Variants in FDFT1 observed in about 807,000 individuals in gnomAD.
The protein encoded by FDFT1 is squalene synthase.
In FDFT1, 68 loss-of-function variants were observed where a neutral mutation model predicts 46.8. The ratio of observed to expected loss-of-function variants is 1.45; its 90% CI spans 1.19 to 1.78. The LOEUF is 1.78. Among genes scored for constraint, FDFT1 ranks in the 40% most tolerant of loss-of-function variants. The pLI, the probability that FDFT1 is intolerant of heterozygous loss-of-function variation, is 0.00. For synonymous variants in FDFT1, 351 were observed against 185.1 expected (o/e 1.90, Z -7.28); for missense variants, 928 against 524.4 (o/e 1.77, Z -7.52).
chr8:11,801,831 C>T (rs923248842), upstream of FDFT1: 12 of 390,582 alleles, frequency 3.1e-5, no homozygotes, highest in African/African-American at 6.3e-5. Context: ...GTAGTTGGGA[C>T]TACAGGCGCC....
chr8:11,803,316 A>G (rs1047820752), intron 1 of FDFT1: 14 of 1,299,284 alleles, frequency 1.1e-5, no homozygotes, highest in Admixed American at 9.1e-5. Flanking sequence ...GGAATGAACT[A>G]TGCAGATAAC....
At chr8:11,829,056 A>G (rs1585983297) in intron 5 of FDFT1, among the ~76,000 whole-genome samples, 1 of 152,142 alleles carries the variant, frequency 6.6e-6, no homozygotes, top group African/African-American at 2.4e-5. Flanking sequence ...AGCAGCTCGA[A>G]CCTTGTGAGG....
chr8:11,818,969 A>T, intron 3 of FDFT1, among the ~76,000 whole-genome samples: 1 of 152,176 alleles, frequency 6.6e-6, no homozygotes. Context: ...ACAATTTGGC[A>T]TGTTTTTGCA....
chr8:11,818,943 A>C (rs1313186114), intron 3 of FDFT1, among the ~76,000 whole-genome samples: 2 of 152,158 alleles, frequency 1.3e-5, no homozygotes, highest in Non-Finnish European at 2.9e-5. Flanking sequence ...GTTTCTTCCT[A>C]GCCTCGATGG....
At chr8:11,828,037 A>C (rs1810246721) in intron 5 of FDFT1, among the ~76,000 whole-genome samples, 1 of 152,156 alleles carries the variant, frequency 6.6e-6, no homozygotes. Flanking sequence ...CTCCGTCTCT[A>C]CTAAAATTAC....
chr8:11,810,415 G>A (rs1807547168), intron 3 of FDFT1, among the ~76,000 whole-genome samples: 1 of 152,130 alleles, frequency 6.6e-6, no homozygotes, highest in Non-Finnish European at 1.5e-5. Context: ...GGCAGCTAGG[G>A]CGAGCCTCTG....
upstream of FDFT1, chr8:11,802,008 G>C (rs1484042326): frequency 1.5e-5 from 7 of 452,126 alleles, no homozygotes; most frequent in Non-Finnish European, 3.1e-5. Flanking sequence ...GTAGTTTCTA[G>C]GGCTGGAGAG....
intron 1 of FDFT1, among the ~76,000 whole-genome samples, chr8:11,804,224 G>A (rs949112297): frequency 1.3e-5 from 2 of 152,176 alleles, no homozygotes; most frequent in Non-Finnish European, 2.9e-5. Flanking sequence ...ATACTAGCAG[G>A]GCAAGGGATC....
chr8:11,814,595 A>G (rs755698503), intron 3 of FDFT1, among the ~76,000 whole-genome samples: 1 of 152,198 alleles, frequency 6.6e-6, no homozygotes, highest in Admixed American at 6.5e-5. Flanking sequence ...TTGCTAACCT[A>G]TAAACAATTC....
chr8:11,809,471 C>G, intron 2 of FDFT1, 196 bp from the exon 3 acceptor site: 12 of 1,312,632 alleles, frequency 9.1e-6, no homozygotes, highest in Non-Finnish European at 1.2e-5. Flanking sequence ...TAATAAACTA[C>G]AGAAGTTCAT....
chr8:11,824,995 A>T (rs567697015), intron 4 of FDFT1, among the ~76,000 whole-genome samples: 1 of 152,208 alleles, frequency 6.6e-6, no homozygotes, highest in South Asian at 2.1e-4. Flanking sequence ...TCAGCTTCCC[A>T]AAGTGCTGGG....
chr8:11,797,800 A>G (rs937995053), upstream of FDFT1: 2 of 152,286 alleles, frequency 1.3e-5, no homozygotes, highest in East Asian at 1.9e-4. Flanking sequence ...CAGGAAGCCT[A>G]TTCCAGGCAG....
intron 1 of FDFT1, among the ~76,000 whole-genome samples, chr8:11,804,282 CTCTT>C (rs1174447401): frequency 6.6e-6 from 1 of 152,126 alleles, no homozygotes; most frequent in East Asian, 1.9e-4. Flanking sequence ...TCCTCTATGT[CTCTT>C]TCCTTTCTAC....
chr8:11,796,065 A>G (rs1299981108), intron 1 of FDFT1: 1 of 151,950 alleles, frequency 6.6e-6, no homozygotes, highest in Non-Finnish European at 1.5e-5. Context: ...TGACATTGTG[A>G]AAAACGGGGG....
At chr8:11,804,596 T>TTC (rs1418736866) in intron 1 of FDFT1, among the ~76,000 whole-genome samples, 1 of 121,594 alleles carries the variant, frequency 8.2e-6, no homozygotes, top group Non-Finnish European at 1.7e-5. Flanking sequence ...TTATCTTAGT[T>TTC]TCTCTTTTTT....
intron 6 of FDFT1, among the ~76,000 whole-genome samples, chr8:11,831,170 A>G (rs1180955226): frequency 6.6e-6 from 1 of 152,222 alleles, no homozygotes; most frequent in African/African-American, 2.4e-5. Flanking sequence ...AATTCTTCCC[A>G]TATATTATTT....
chr8:11,825,011 A>G (rs1026286543), intron 4 of FDFT1, among the ~76,000 whole-genome samples: 11 of 152,152 alleles, frequency 7.2e-5, no homozygotes, highest in African/African-American at 2.7e-4. Flanking sequence ...CTGGGATTAC[A>G]GGCATGAGCC....
chr8:11,817,161 A>C (rs1808573146), intron 3 of FDFT1, among the ~76,000 whole-genome samples: 2 of 152,072 alleles, frequency 1.3e-5, no homozygotes, highest in Admixed American at 1.3e-4. Flanking sequence ...TGTTTATGTG[A>C]TGGATGATGT....
At chr8:11,822,259 T>C (rs1809355206) in intron 4 of FDFT1, among the ~76,000 whole-genome samples, 1 of 151,898 alleles carries the variant, frequency 6.6e-6, no homozygotes, top group African/African-American at 2.4e-5. Context: ...ATTTTATTTA[T>C]TTATTTTAAA....
Sources: gnomAD v4.1 joint callset for allele counts (sites outside exome capture counted in the v4.1 genomes callset) on GRCh38, gnomAD v4.1.1 for gene constraint, MANE v1.5 for transcripts, NCBI Gene and HGNC (gene_info 2026-07-23, HGNC 2026-07-21) for gene names.